The following BTBD7 variants were observed in gnomAD, a reference collection of about 807,000 sequenced individuals.
BTBD7 encodes BTB domain containing 7.
Under a neutral mutation model 99.9 loss-of-function variants are expected in BTBD7, and 38 were observed. That is an observed-to-expected ratio of 0.38 (90% CI 0.29 to 0.50). BTBD7 has a LOEUF of 0.50. Ranked by LOEUF, BTBD7 falls within the 20% of genes least tolerant of loss-of-function variation. The pLI, the probability that BTBD7 is intolerant of heterozygous loss-of-function variation, is 0.93. For synonymous variants in BTBD7, 520 were observed against 511.4 expected (o/e 1.02, Z -0.23); for missense variants, 1,170 against 1,394.6 (o/e 0.84, Z 2.57).
chr14:93,299,691 G>C (rs2052970086), intron 1 of BTBD7, among the ~76,000 whole-genome samples: 1 of 152,056 alleles, frequency 6.6e-6, no homozygotes, highest in Non-Finnish European at 1.5e-5. Flanking sequence ...CATGTTGAAT[G>C]CAAGAAAGAC....
At chr14:93,314,206 G>T (rs944038466) in intron 1 of BTBD7, among the ~76,000 whole-genome samples, 8 of 152,246 alleles carry the variant, frequency 5.3e-5, no homozygotes, top group East Asian at 3.9e-4. Context: ...AACAAACCCA[G>T]AGTAGTCAGT....
chr14:93,261,748 C>T (rs1390853555), intron 4 of BTBD7, 71 bp from the exon 5 acceptor site: 5 of 1,134,968 alleles, frequency 4.4e-6, no homozygotes, highest in Admixed American at 1.8e-5. Flanking sequence ...AAGGACTTTT[C>T]GTAGGTGGGA....
rs2052221694 is a variant in BTBD7 at position 93,241,091 on chromosome 14, C to T, written c.*1182G>A. 6.6e-6 allele frequency: 1 copy of T among 151,942 alleles called. No homozygotes were observed. Among genetic ancestry groups the T allele is most frequent in the South Asian group, 2.1e-4 (1 of 4,830 alleles). 9.4% of individuals were successfully genotyped at this position (151,942 alleles called of 1,614,324 possible). A position where few individuals can be genotyped will look rare whatever the true frequency, so the allele number is the denominator to read the frequency against. On this transcript the variant is annotated 3_prime_UTR_variant, in exon 11 of 11. Transcript: ENST00000334746. ...CGCCATCACAGCTGGAGAGTTGACG[C>T]TCAGAACCAGAAATTCTGTCAGTGT...
intron 1 of BTBD7, among the ~76,000 whole-genome samples, chr14:93,313,710 ACACAC>A (rs2053166512): frequency 7.0e-6 from 1 of 143,552 alleles, no homozygotes; most frequent in African/African-American, 2.5e-5. Context: ...ACACACACAC[ACACAC>A]AATCACACAT....
chr14:93,288,674 G>GC (rs765530005), intron 3 of BTBD7: 36 of 1,542,818 alleles, frequency 2.3e-5, no homozygotes, highest in Non-Finnish European at 3.2e-5. Context: ...TGAAAGCTCT[G>GC]CTGCACAGGC....
intron 3 of BTBD7, among the ~76,000 whole-genome samples, chr14:93,271,470 A>G (rs2052600236): frequency 6.6e-6 from 1 of 152,192 alleles, no homozygotes; most frequent in South Asian, 2.1e-4. Context: ...CCGGCCTTAG[A>G]CTTGGCATGG....
chr14:93,318,051 T>C (rs1330462536), intron 1 of BTBD7, among the ~76,000 whole-genome samples: 2 of 152,204 alleles, frequency 1.3e-5, no homozygotes, highest in Non-Finnish European at 2.9e-5. Context: ...TTGTATTTTT[T>C]TTGCTGTAGT....
chr14:93,247,810 GC>G (rs1290211813), intron 9 of BTBD7, among the ~76,000 whole-genome samples: 1 of 152,192 alleles, frequency 6.6e-6, no homozygotes, highest in Admixed American at 6.5e-5. Context: ...CAGTGCTATT[GC>G]TTTTGTATCT....
At chr14:93,264,930 T>C (rs2052525775) in intron 3 of BTBD7, among the ~76,000 whole-genome samples, 1 of 151,978 alleles carries the variant, frequency 6.6e-6, no homozygotes, top group Non-Finnish European at 1.5e-5. Flanking sequence ...TGAAACCCAG[T>C]CTCTACTAAA....
rs749241758 is a variant in BTBD7 at position 93,294,833 on chromosome 14, G to A, written c.187C>T (p.Leu63Phe). The A allele has an allele frequency of 1.9e-6, 3 of 1,614,004 alleles. No individual in the cohort carries two copies. Among genetic ancestry groups the A allele is most frequent in the South Asian group, 1.1e-5 (1 of 91,068 alleles). ...ATAAACTTCTTTTTGAGGGTGGCAA[G>A]ACCAGAGGTTCTCTTTTTTTTGTCT... The part of the protein sequence containing the change: ...PQDKKKRTSG[L>F]ATLKKKFIKR... The change falls in exon 3 of 11, where the codon CTT becomes TTT. Residue 63 changes from leucine to phenylalanine, a missense_variant. Coordinates refer to ENST00000334746, the MANE Select transcript of BTBD7 (RefSeq NM_001002860.4).
At chr14:93,272,347 TTC>T (rs539697704) in intron 3 of BTBD7, among the ~76,000 whole-genome samples, 92 of 152,304 alleles carry the variant, frequency 6.0e-4, no homozygotes, top group African/African-American at 2.1e-3. Flanking sequence ...GAATCTGAAG[TTC>T]TGAGGATTAC....
intron 1 of BTBD7, among the ~76,000 whole-genome samples, chr14:93,323,407 ACT>A (rs2139827009): frequency 6.6e-6 from 1 of 152,272 alleles, no homozygotes; most frequent in South Asian, 2.1e-4. Flanking sequence ...CAGAACTATG[ACT>A]CTGCAATTGA....
chr14:93,256,343 TAA>T (rs1193917366), intron 6 of BTBD7: 2 of 152,186 alleles, frequency 1.3e-5, no homozygotes, highest in African/African-American at 4.8e-5. Flanking sequence ...AGCATTATAT[TAA>T]GTTTATAAGT....
At chr14:93,270,264 T>C (rs567995234) in intron 3 of BTBD7, among the ~76,000 whole-genome samples, 2 of 152,072 alleles carry the variant, frequency 1.3e-5, no homozygotes, top group South Asian at 4.2e-4. Context: ...CCCGGCTAAC[T>C]TTTCTATTTT....
At chr14:93,312,901 C>T (rs530967516) in intron 1 of BTBD7, among the ~76,000 whole-genome samples, 6 of 152,212 alleles carry the variant, frequency 3.9e-5, no homozygotes, top group East Asian at 3.9e-4. Context: ...GTCTCTTCTT[C>T]GGCCTCTTGA....
chr14:93,310,324 T>C (rs957579803), intron 1 of BTBD7, among the ~76,000 whole-genome samples: 1 of 152,246 alleles, frequency 6.6e-6, no homozygotes, highest in Non-Finnish European at 1.5e-5. Flanking sequence ...AATTGTTTTT[T>C]CTTTGTTTGA....
intron 10 of BTBD7, chr14:93,244,024 T>G: frequency 2.9e-6 from 1 of 345,560 alleles, no homozygotes; most frequent in South Asian, 2.6e-5. Context: ...TGAACCTTCC[T>G]AAAACCCATC....
Position 93,248,563 on chromosome 14 carries a change from G to A in BTBD7, c.2034C>T (p.Cys678=), listed in dbSNP as rs1048889600. 6.8e-6 allele frequency: 11 copies of A among 1,613,894 alleles called. No individual in the cohort carries two copies. Among genetic ancestry groups the A allele is most frequent in the African/African-American group, 5.3e-5 (4 of 74,906 alleles). ...CATAGCTGACAGTGGCGCCTTCCCC[G>A]CAGTTCAGGGCATAGGCCCTCTGCA... is the stretch of plus-strand genomic sequence containing the variant. ...EQVQRAYALN[C]GEGATVSYEI... The change falls in exon 9 of 11, where the codon TGC becomes TGT. Residue 678 remains cysteine (C), a synonymous_variant. Coordinates refer to ENST00000334746, the MANE Select transcript of BTBD7 (RefSeq NM_001002860.4).
At chr14:93,298,186 C>A (rs369546807) in intron 1 of BTBD7, among the ~76,000 whole-genome samples, 1 of 152,096 alleles carries the variant, frequency 6.6e-6, no homozygotes, top group Non-Finnish European at 1.5e-5. Context: ...TCTTCAGAAG[C>A]GGACAAGAAT....
Sources: gnomAD v4.1 joint callset for allele counts (sites outside exome capture counted in the v4.1 genomes callset) on GRCh38, gnomAD v4.1.1 for gene constraint, MANE v1.5 for transcripts, NCBI Gene and HGNC (gene_info 2026-07-23, HGNC 2026-07-21) for gene names.